SYNE1: variants seen among roughly 807,000 people sequenced by gnomAD.
SYNE1 encodes the protein nesprin-1.
Under a neutral mutation model 1,111.0 loss-of-function variants are expected in SYNE1, and 616 were observed. The observed-to-expected ratio is 0.55, with a 90% CI of 0.52 to 0.59. The LOEUF (loss-of-function observed/expected upper bound fraction) is 0.59. SYNE1 is among the 20% of genes least tolerant of loss of function. The probability of loss-of-function intolerance (pLI) is 0.00; values close to 1 mark genes in which losing one functional copy is unlikely to be tolerated. For missense variants in SYNE1, 10,006 were observed against 10,417.0 expected, an observed-to-expected ratio of 0.96 and a Z score of 1.72; for synonymous variants, 3,855 against 3,825.8, an observed-to-expected ratio of 1.01 and a Z score of -0.28.
In SYNE1 at chr6:152,353,661, G is replaced by C. The variant is rs143673038; in HGVS notation, c.11010C>G (p.His3670Gln). 6.2e-7 allele frequency: 1 copy of C among 1,614,150 alleles called. No homozygotes were observed. The highest frequency in any genetic ancestry group is 1.1e-5 in the South Asian group (1 of 91,080). The change falls in exon 68 of 146, where the codon CAC becomes CAG. Residue 3670 changes from histidine to glutamine, a missense_variant. Physicochemically the swap from His to Gln is conservative, Grantham distance 24. Around this residue, in one of 7 missense-constraint regions of SYNE1, gnomAD observed 4,955 missense variants for 5,017.2 expected, o/e 0.99. Transcript: ENST00000367255. ...CCTGGCAACCCATTCTGCTGTTCAC[G>C]TGGCTCTCGTCCAGTATCTCCTGAG... The part of the protein sequence containing the change: ...ARAQEILDES[H>Q]VNSRMGCQAT...
intron 3 of SYNE1, among the ~76,000 whole-genome samples, chr6:152,609,689 A>T (rs2099625825): frequency 6.6e-6 from 1 of 152,176 alleles, no homozygotes. Flanking sequence ...CCTGACCCCC[A>T]TGTAGCCTAA....
chr6:152,527,205 T>A (rs190649075), intron 4 of SYNE1, among the ~76,000 whole-genome samples: 1 of 152,328 alleles, frequency 6.6e-6, no homozygotes, highest in East Asian at 1.9e-4. Flanking sequence ...CTCCAAATGT[T>A]TGGTTGGAAT....
In SYNE1 at chr6:152,321,752, A is replaced by C; in HGVS notation, c.16052T>G (p.Ile5351Arg). 2.5e-6 allele frequency: 4 copies of C among 1,614,040 alleles called. No individual in the cohort carries two copies. The highest frequency in any genetic ancestry group is 3.4e-6 in the Non-Finnish European group (4 of 1,179,966). ...ETKEYLGNPT[I>R]EIDAQLEELQ... is the part of the protein sequence containing the mutation. ...TTCTTCAAGTTGAGCATCTATTTCTATTGTTGGATTCCCTAAATATTCTTT... is the reference window on the plus strand; with the variant it reads ...TTCTTCAAGTTGAGCATCTATTTCTCTTGTTGGATTCCCTAAATATTCTTT... The change falls in exon 83 of 146, where the codon ATA (isoleucine) becomes AGA (arginine). Residue 5351 changes from isoleucine (I) to arginine (R), a missense_variant. Around this residue, in one of 7 missense-constraint regions of SYNE1, gnomAD observed 4,955 missense variants for 5,017.2 expected, o/e 0.99. Coordinates refer to ENST00000367255, the MANE Select transcript of SYNE1 (RefSeq NM_182961.4).
At chr6:152,502,884 A>C (rs1933026452) in intron 9 of SYNE1, 142 bp from the exon 10 acceptor site, 3 of 668,698 alleles carry the variant, frequency 4.5e-6, no homozygotes, top group Non-Finnish European at 7.8e-6. Context: ...TTGGACGGGG[A>C]GGAGGGTAAA....
intron 62 of SYNE1, chr6:152,366,969 T>C (rs908216886): frequency 9.0e-6 from 6 of 668,562 alleles, no homozygotes; most frequent in African/African-American, 8.9e-5. Context: ...AACTAGCCTC[T>C]TAACAAGTGA....
intron 11 of SYNE1, among the ~76,000 whole-genome samples, chr6:152,494,331 C>A (rs558624437): frequency 1.3e-5 from 2 of 152,140 alleles, no homozygotes; most frequent in African/African-American, 4.8e-5. Flanking sequence ...TTCAATCTGG[C>A]CTCCCACATT....
intron 145 of SYNE1, 95 bp downstream of exon 145, chr6:152,130,625 G>T: frequency 7.7e-7 from 1 of 1,297,826 alleles, no homozygotes; most frequent in Non-Finnish European, 1.1e-6. Context: ...CAACTACCCT[G>T]AGGCAGACCA....
intron 126 of SYNE1, 58 bp from the exon 127 acceptor site, chr6:152,202,007 G>C (rs768484943): frequency 5.7e-6 from 9 of 1,591,638 alleles, no homozygotes; most frequent in Admixed American, 1.7e-5. Context: ...AACTGGGGGG[G>C]GAAAAGAAAA....
intron 99 of SYNE1, among the ~76,000 whole-genome samples, 162 bp from the exon 100 acceptor site, chr6:152,268,327 C>G (rs2153674009): frequency 6.6e-6 from 1 of 151,664 alleles, no homozygotes; most frequent in East Asian, 1.9e-4. Flanking sequence ...AAATGTGTCT[C>G]CAAAGTACTC....
chr6:152,586,940 T>C (rs919920053), intron 3 of SYNE1, among the ~76,000 whole-genome samples: 1 of 152,192 alleles, frequency 6.6e-6, no homozygotes, highest in South Asian at 2.1e-4. Flanking sequence ...TCAGCCCTGA[T>C]TCTCTGATGT....
intron 5 of SYNE1, 105 bp from the exon 6 acceptor site, chr6:152,520,647 A>G: frequency 8.0e-7 from 1 of 1,249,134 alleles, no homozygotes; most frequent in Non-Finnish European, 1.1e-6. Context: ...AAGAATATTC[A>G]AAAGCAACCA....
chr6:152,549,631 A>G (rs992169351), intron 3 of SYNE1, among the ~76,000 whole-genome samples: 1 of 152,230 alleles, frequency 6.6e-6, no homozygotes, highest in Non-Finnish European at 1.5e-5. Flanking sequence ...GAGTTCTGAC[A>G]TGGATTGATG....
intron 66 of SYNE1, among the ~76,000 whole-genome samples, chr6:152,356,634 T>C (rs1590959520): frequency 6.6e-6 from 1 of 152,068 alleles, no homozygotes. Flanking sequence ...TCCACATTAC[T>C]GGCCAATCCC....
intron 3 of SYNE1, among the ~76,000 whole-genome samples, chr6:152,598,403 T>C (rs184408868): frequency 4.6e-5 from 7 of 152,308 alleles, no homozygotes; most frequent in Admixed American, 1.3e-4. Context: ...CTTTTGTAAA[T>C]TGCCCTGTCT....
chr6:152,149,984 A>G (rs1336282498), intron 135 of SYNE1, among the ~76,000 whole-genome samples: 1 of 152,228 alleles, frequency 6.6e-6, no homozygotes, highest in Non-Finnish European at 1.5e-5. Flanking sequence ...GTAAGTTGAC[A>G]GCACTGGTTA....
At chr6:152,242,577 T>G in intron 106 of SYNE1, 137 bp from the exon 107 acceptor site, 1 of 833,728 alleles carries the variant, frequency 1.2e-6, no homozygotes, top group Non-Finnish European at 2.0e-6. Context: ...GGAAACGCTC[T>G]ACCTGTAGGC....
rs544687967 is a variant in SYNE1 at position 152,122,165 on chromosome 6, T to C, written c.*271A>G. On this transcript the variant is annotated 3_prime_UTR_variant, in exon 146 of 146. Coordinates refer to ENST00000367255, the MANE Select transcript of SYNE1 (RefSeq NM_182961.4). Reference sequence around the variant, plus strand: ...CAGAATTCATGAGTCCGGGGAACTTTGGAGGTCCTTACTCAATCTCCTTAG... The same window carrying C: ...CAGAATTCATGAGTCCGGGGAACTTCGGAGGTCCTTACTCAATCTCCTTAG... 10 of 493,490 alleles carry C rather than the reference T, an allele frequency of 2.0e-5. No homozygotes were observed. Among genetic ancestry groups the C allele is most frequent in the African/African-American group, 1.4e-4 (7 of 51,276 alleles). The allele number at this position is 493,490 out of a possible 1,614,324, so 30.6% of individuals were successfully genotyped here.
chr6:152,241,914 A>G (rs1263491500), intron 107 of SYNE1, among the ~76,000 whole-genome samples: 1 of 152,212 alleles, frequency 6.6e-6, no homozygotes, highest in Non-Finnish European at 1.5e-5. Context: ...TCCTTTGAAG[A>G]GAGGCTCTGA....
At chr6:152,261,902 G>C in intron 101 of SYNE1, 130 bp downstream of exon 101, 1 of 640,190 alleles carries the variant, frequency 1.6e-6, no homozygotes. Context: ...AAAATGTAGA[G>C]TGAAAAATTG....
Sources: allele counts gnomAD v4.1 joint callset (sites outside exome capture counted in the v4.1 genomes callset), GRCh38; gene constraint gnomAD v4.1.1; regional missense constraint gnomAD v4.1.1; transcripts MANE v1.5; gene names NCBI Gene and HGNC (gene_info 2026-07-23, HGNC 2026-07-21).